The following DTNB variants were observed in gnomAD, a reference collection of about 807,000 sequenced individuals.
DTNB encodes DTN-B.
A neutral mutation model predicts 90.7 loss-of-function variants in DTNB; 63 were observed. That is an observed-to-expected ratio of 0.69 (90% CI 0.57 to 0.86). The LOEUF is 0.86. Ranked by LOEUF, DTNB falls within the 40% of genes least tolerant of loss-of-function variation. DTNB has a pLI of 0.00. For synonymous variants in DTNB, 277 were observed against 286.7 expected, an observed-to-expected ratio of 0.97 and a Z score of 0.34; for missense variants, 744 against 807.1, an observed-to-expected ratio of 0.92 and a Z score of 0.95.
At chr2:25,463,299 AAC>A (rs1032337810) in intron 10 of DTNB, among the ~76,000 whole-genome samples, 36 of 152,228 alleles carry the variant, frequency 2.4e-4, no homozygotes, top group Middle Eastern at 6.8e-3. Context: ...CTTTTCCTTG[AAC>A]ACACATCCAA....
At chr2:25,590,017 C>G (rs1003019314) in intron 6 of DTNB, among the ~76,000 whole-genome samples, 2 of 152,210 alleles carry the variant, frequency 1.3e-5, no homozygotes, top group African/African-American at 4.8e-5. Flanking sequence ...GGCACCAGCA[C>G]GGGCCCTGGC....
rs200296831 is a variant in DTNB at position 25,455,405 on chromosome 2, C to A, written c.1169G>T (p.Arg390Leu). ...SYVARLQHCA[R>L]VLDSPSRLDE... ...CCACTGCTGCTGCACCACCACTGAC[C>A]GTGCACAGTGCTGCAGACGGGCCAC... is the stretch of plus-strand genomic sequence containing the variant. The change falls in exon 11 of 21, where the codon CGT (arginine) becomes CTT (leucine). Residue 390 changes from arginine (R) to leucine (L), a missense_variant and splice_region_variant. Coordinates refer to ENST00000406818, the MANE Select transcript of DTNB (RefSeq NM_021907.5). The A allele has an allele frequency of 2.5e-6, 4 of 1,593,638 alleles. No individual in the cohort carries two copies. Among genetic ancestry groups the A allele is most frequent in the South Asian group, 2.3e-5 (2 of 87,508 alleles).
At chr2:25,470,941 T>C (rs1246447359) in intron 10 of DTNB, among the ~76,000 whole-genome samples, 1 of 152,166 alleles carries the variant, frequency 6.6e-6, no homozygotes, top group Non-Finnish European at 1.5e-5. Context: ...GATGGATTTA[T>C]AGAATGTAAG....
At chr2:25,649,993 A>ATC (rs1320992272) in intron 2 of DTNB, 1 of 982,482 alleles carries the variant, frequency 1.0e-6, no homozygotes, top group East Asian at 1.1e-4. Context: ...CTGTGAAGAA[A>ATC]TATAGGAGAC....
chr2:25,514,397 T>C (rs1465443942), intron 9 of DTNB, among the ~76,000 whole-genome samples: 1 of 152,136 alleles, frequency 6.6e-6, no homozygotes, highest in East Asian at 1.9e-4. Context: ...TTAGAGAGGT[T>C]GCCAGGAACC....
At chr2:25,435,360 C>A (rs2055374242) in intron 12 of DTNB, among the ~76,000 whole-genome samples, 1 of 152,264 alleles carries the variant, frequency 6.6e-6, no homozygotes, top group East Asian at 1.9e-4. Flanking sequence ...GTTGTGAAGC[C>A]ACCACCCCAA....
chr2:25,470,952 G>A (rs1199651556), intron 10 of DTNB, among the ~76,000 whole-genome samples: 1 of 152,100 alleles, frequency 6.6e-6, no homozygotes, highest in Non-Finnish European at 1.5e-5. Flanking sequence ...AGAATGTAAG[G>A]ACACTCCCCA....
At chr2:25,383,932 G>A (rs774850158) in intron 18 of DTNB, 43 bp from the exon 19 acceptor site, 28 of 1,613,818 alleles carry the variant, frequency 1.7e-5, no homozygotes, top group Non-Finnish European at 2.3e-5. Flanking sequence ...CTTCGGCACA[G>A]GACAAGTACA....
At chr2:25,556,053 C>A (rs566330984) in intron 8 of DTNB, among the ~76,000 whole-genome samples, 6 of 151,700 alleles carry the variant, frequency 4.0e-5, no homozygotes, top group African/African-American at 1.5e-4. Flanking sequence ...TAAAATAGAT[C>A]TTTCCAGATC....
intron 3 of DTNB, among the ~76,000 whole-genome samples, chr2:25,638,432 A>G (rs2077539565): frequency 6.6e-6 from 1 of 152,236 alleles, no homozygotes; most frequent in South Asian, 2.1e-4. Context: ...TGTATAAAAT[A>G]CTTTTTCCAC....
chr2:25,536,154 C>T (rs1441811369), intron 8 of DTNB, among the ~76,000 whole-genome samples: 4 of 136,478 alleles, frequency 2.9e-5, no homozygotes, highest in Non-Finnish European at 6.3e-5. Flanking sequence ...TGGGCGGCCA[C>T]GCAGAGATGC....
chr2:25,568,805 C>T (rs1184145928), intron 8 of DTNB, among the ~76,000 whole-genome samples: 2 of 152,224 alleles, frequency 1.3e-5, no homozygotes, highest in Non-Finnish European at 2.9e-5. Context: ...CCATCACCGG[C>T]ACCATGAGTG....
chr2:25,429,084 C>T (rs993545876), intron 14 of DTNB, among the ~76,000 whole-genome samples: 4 of 152,146 alleles, frequency 2.6e-5, no homozygotes, highest in Non-Finnish European at 5.9e-5. Flanking sequence ...CTACCGAGCC[C>T]CTGAAACAGG....
chr2:25,382,675 T>G (rs1188695603), intron 19 of DTNB, among the ~76,000 whole-genome samples: 2 of 151,816 alleles, frequency 1.3e-5, no homozygotes, highest in African/African-American at 4.8e-5. Flanking sequence ...ATTACAGGCA[T>G]GCACCACCAC....
In DTNB at chr2:25,389,004, G is replaced by A. The variant is rs563066792; in HGVS notation, c.1576-643C>T. Among the ~76,000 whole-genome samples the A allele has an allele frequency of 5.3e-5, 8 of 152,096 alleles. No homozygotes were observed. The East Asian group carries it at 1.5e-3, about 29-fold the overall frequency. On this transcript the variant is annotated intron_variant, in intron 16 of 20. Coordinates refer to ENST00000406818, the MANE Select transcript of DTNB (RefSeq NM_021907.5). The stretch of plus-strand genomic sequence containing the variant: ...TGGGACTACAGGTGTGCGCCACCAC[G>A]CTGGGCTAATTTTTTGTATTTTTAG...
intron 4 of DTNB, among the ~76,000 whole-genome samples, chr2:25,617,432 G>A (rs975003206): frequency 2.6e-5 from 4 of 152,042 alleles, no homozygotes; most frequent in African/African-American, 9.7e-5. Context: ...GTGGGCTCGA[G>A]GTGTTAATTA....
In DTNB at chr2:25,555,279, A is replaced by G. The variant is rs540562090; in HGVS notation, c.876+21559T>C. On this transcript the variant is annotated intron_variant, in intron 8 of 20. Coordinates refer to ENST00000406818, the MANE Select transcript of DTNB (RefSeq NM_021907.5). ...GCACTCCAGCCTGGGCGACAGAGCA[A>G]GACTCCGTCTCCAAAAAAAAAAAAA... Among the ~76,000 whole-genome samples, 526 of 147,186 alleles carry G rather than the reference A, an allele frequency of 3.6e-3. 4 individuals are homozygous for G. Among genetic ancestry groups the G allele is most frequent in the African/African-American group, 0.013 (497 of 39,106 alleles).
intron 6 of DTNB, among the ~76,000 whole-genome samples, chr2:25,582,483 G>A (rs2061698594): frequency 6.6e-6 from 1 of 152,194 alleles, no homozygotes; most frequent in African/African-American, 2.4e-5. Context: ...AGAAGGCACA[G>A]CAGGAAAGAA....
chr2:25,405,433 C>T (rs1056436117), intron 16 of DTNB, among the ~76,000 whole-genome samples: 6 of 151,946 alleles, frequency 3.9e-5, no homozygotes, highest in Non-Finnish European at 7.4e-5. Flanking sequence ...CCCAGCTACT[C>T]GGGGGGCTGA....
Sources: allele counts gnomAD v4.1 joint callset (sites outside exome capture counted in the v4.1 genomes callset), GRCh38; gene constraint gnomAD v4.1.1; transcripts MANE v1.5; gene names NCBI Gene and HGNC (gene_info 2026-07-23, HGNC 2026-07-21).